Variants in FKTN observed in about 807,000 individuals in gnomAD.
FKTN encodes fukutin, also known as ribitol-5-phosphate transferase FKTN.
A neutral mutation model predicts 58.6 loss-of-function variants in FKTN; 47 were observed. That is an observed-to-expected ratio of 0.80 (90% confidence interval 0.63 to 1.02). FKTN has a LOEUF of 1.02. FKTN is among the 50% of genes least tolerant of loss of function. The probability of loss-of-function intolerance (pLI) is 0.00; values close to 1 mark genes in which losing one functional copy is unlikely to be tolerated. For synonymous variants in FKTN, 178 were observed against 191.9 expected (o/e 0.93, Z 0.60); for missense variants, 516 against 537.3 (o/e 0.96, Z 0.39).
Position 105,635,590 on chromosome 9 carries a change from T to G in FKTN, c.*326T>G. ...TTGAAGAGTTCAAGTTCTGTACAGGTTTTTAAAACGTGAAGTAATGTTTGA... is the reference window on the plus strand; with the variant it reads ...TTGAAGAGTTCAAGTTCTGTACAGGGTTTTAAAACGTGAAGTAATGTTTGA... On this transcript the variant is annotated 3_prime_UTR_variant, in exon 11 of 11. Transcript: ENST00000357998. 1 of 1,197,640 alleles carries G rather than the reference T, an allele frequency of 8.3e-7. No homozygotes were observed. Among genetic ancestry groups the G allele is most frequent in the East Asian group, 5.2e-5 (1 of 19,166 alleles). The allele number at this position is 1,197,640 out of a possible 1,614,324, so 74.2% of individuals were successfully genotyped here. A position where few individuals can be genotyped will look rare whatever the true frequency, so the allele number is the denominator to read the frequency against.
intron 5 of FKTN, among the ~76,000 whole-genome samples, chr9:105,601,680 T>G (rs1430809015): frequency 6.6e-6 from 1 of 152,152 alleles, no homozygotes; most frequent in Non-Finnish European, 1.5e-5. Flanking sequence ...ACATCCATGT[T>G]CACAACAGGA....
chr9:105,595,689 G>A (rs1321857088), intron 3 of FKTN, among the ~76,000 whole-genome samples: 1 of 152,106 alleles, frequency 6.6e-6, no homozygotes, highest in African/African-American at 2.4e-5. Context: ...CACTATCCTA[G>A]GTGCTACTGG....
intron 6 of FKTN, among the ~76,000 whole-genome samples, chr9:105,606,262 G>A (rs1392105575): frequency 6.6e-6 from 1 of 151,860 alleles, no homozygotes; most frequent in African/African-American, 2.4e-5. Flanking sequence ...TCATTATTTT[G>A]TGCCTTTATG....
At chr9:105,564,335 C>T (rs36101244) in intron 1 of FKTN, among the ~76,000 whole-genome samples, 6,214 of 152,164 alleles carry the variant, frequency 0.041, 190 homozygotes, top group Middle Eastern at 0.068. Flanking sequence ...AGGCTTCAGA[C>T]GATCAAACTT....
chr9:105,639,094 G>T lies in FKTN; in HGVS notation c.*3830G>T. On this transcript the variant is annotated 3_prime_UTR_variant, in exon 11 of 11. Coordinates refer to ENST00000357998, the MANE Select transcript of FKTN (RefSeq NM_001079802.2). ...TCCTAAATGTTATAAATCCTTAGGA[G>T]AAATATTCCCTCAAAACCTAGTCAA... 1 of 984,726 alleles carries T rather than the reference G, an allele frequency of 1.0e-6. No individual in the cohort carries two copies. Among genetic ancestry groups the T allele is most frequent in the Non-Finnish European group, 1.2e-6 (1 of 829,338 alleles). The allele number at this position is 984,726 out of a possible 1,614,324, so 61.0% of individuals were successfully genotyped here. A position where few individuals can be genotyped will look rare whatever the true frequency, so the allele number is the denominator to read the frequency against.
chr9:105,591,402 C>T (rs904921638), intron 3 of FKTN, among the ~76,000 whole-genome samples: 1 of 152,186 alleles, frequency 6.6e-6, no homozygotes, highest in African/African-American at 2.4e-5. Flanking sequence ...TACTCCTGTT[C>T]CAAAAGGGAG....
At chr9:105,561,091 CA>C (rs533709834) in intron 1 of FKTN, among the ~76,000 whole-genome samples, 2,446 of 136,574 alleles carry the variant, frequency 0.018, 90 homozygotes, top group African/African-American at 0.06. Flanking sequence ...TCTCAAAAAA[CA>C]AAAAAAAAAA....
At chr9:105,633,022 T>G (rs370975956) in intron 10 of FKTN, among the ~76,000 whole-genome samples, 1 of 152,206 alleles carries the variant, frequency 6.6e-6, no homozygotes, top group Admixed American at 6.5e-5. Context: ...TCTCCTTCAC[T>G]TCCTCCCTAC....
Position 105,601,391 on chromosome 9 carries a change from C to T in FKTN, c.369+43C>T, listed in dbSNP as rs398123556. On this transcript the variant is annotated intron_variant, in intron 5 of 10. Transcript: ENST00000357998. ...AGATAATGGAATGTGTCTCTTTTTA[C>T]AAAATAGTATAGGTTTAGGCTAGTT... 61 of 1,338,324 alleles carry T rather than the reference C, an allele frequency of 4.6e-5. No individual in the cohort carries two copies. The Admixed American group carries it at 9.7e-4, about 21-fold the overall frequency. 82.9% of individuals were successfully genotyped at this position (1,338,324 alleles called of 1,614,324 possible). A position where few individuals can be genotyped will look rare whatever the true frequency, so the allele number is the denominator to read the frequency against.
intron 10 of FKTN, 107 bp downstream of exon 10, chr9:105,620,168 C>T (rs912854081): frequency 2.2e-6 from 2 of 892,700 alleles, no homozygotes; most frequent in African/African-American, 3.3e-5. Flanking sequence ...TTTCAAGACT[C>T]CATTATTAGC....
chr9:105,630,042 G>A (rs1833213967), intron 10 of FKTN, among the ~76,000 whole-genome samples: 1 of 152,166 alleles, frequency 6.6e-6, no homozygotes, highest in East Asian at 1.9e-4. Flanking sequence ...CACACACTGG[G>A]GCCTGTCGTG....
chr9:105,574,513 A>G (rs1015898209), intron 2 of FKTN, among the ~76,000 whole-genome samples: 1 of 151,896 alleles, frequency 6.6e-6, no homozygotes, highest in African/African-American at 2.4e-5. Context: ...TTGAAAAGCA[A>G]CAAAGAGCTG....
chr9:105,569,599 G>A (rs115242509), intron 1 of FKTN, among the ~76,000 whole-genome samples: 1 of 152,092 alleles, frequency 6.6e-6, no homozygotes, highest in Admixed American at 6.6e-5. Flanking sequence ...TGATTTAGTT[G>A]GTAAGCAGAT....
chr9:105,607,917 A>G lies in FKTN; in HGVS notation c.746A>G (p.Glu249Gly), dbSNP rs1487419402. 6.2e-7 allele frequency: 1 copy of G among 1,611,952 alleles called. No homozygotes were observed. Among genetic ancestry groups the G allele is most frequent in the African/African-American group, 1.3e-5 (1 of 75,006 alleles). ...VEEVPHSRFI[E>G]CRYKEARAFF... The stretch of plus-strand genomic sequence containing the variant: ...GAAGTACCACACTCTAGGTTTATTG[A>G]GTGTAGGTATAAAGAAGCTCGAGCA... The change falls in exon 7 of 11, where the codon GAG becomes GGG. Residue 249 changes from glutamate (E) to glycine (G), a missense_variant. By Grantham distance (98) the Glu-to-Gly change is moderately conservative. Transcript: ENST00000357998.
At chr9:105,594,883 C>T (rs1156771936) in intron 3 of FKTN, among the ~76,000 whole-genome samples, 2 of 152,070 alleles carry the variant, frequency 1.3e-5, no homozygotes, top group Non-Finnish European at 2.9e-5. Context: ...TCAGTGTATA[C>T]AAGAGAATGA....
rs1019090178 is a variant in FKTN, at chr9:105,640,214, G to A, written c.*4950G>A. 9 of 1,481,328 alleles carry A rather than the reference G, an allele frequency of 6.1e-6. No individual in the cohort carries two copies. In the African/African-American group the frequency reaches 1.3e-4, roughly 21 times the overall value. The allele number at this position is 1,481,328 out of a possible 1,614,324, so 91.8% of individuals were successfully genotyped here. On this transcript the variant is annotated 3_prime_UTR_variant, in exon 11 of 11. Transcript: ENST00000357998. Reference sequence around the variant, plus strand: ...ATTCAATGGCAATACCTTTTGTATAGGTCCTGTGCTTAAAGGAGGCAAGTA... The same window carrying A: ...ATTCAATGGCAATACCTTTTGTATAAGTCCTGTGCTTAAAGGAGGCAAGTA...
At chr9:105,583,471 G>A (rs1039357457) in intron 3 of FKTN, among the ~76,000 whole-genome samples, 1 of 152,060 alleles carries the variant, frequency 6.6e-6, no homozygotes, top group Non-Finnish European at 1.5e-5. Flanking sequence ...GATTACTAGT[G>A]GGGTTAAACA....
intron 3 of FKTN, among the ~76,000 whole-genome samples, chr9:105,581,100 C>A (rs1347304213): frequency 6.7e-6 from 1 of 149,610 alleles, no homozygotes; most frequent in Non-Finnish European, 1.5e-5. Context: ...AACTTCTTTG[C>A]CTTTGGTTTG....
At chr9:105,632,724 A>ATATGAAATAAAAGTGG (rs1833641742) in intron 10 of FKTN, among the ~76,000 whole-genome samples, 1 of 152,192 alleles carries the variant, frequency 6.6e-6, no homozygotes, top group South Asian at 2.1e-4. Context: ...TGTAAAAATA[A>ATATGAAATAAAAGTGG]TATGAAATAA....
Sources: allele counts gnomAD v4.1 joint callset (sites outside exome capture counted in the v4.1 genomes callset), GRCh38; gene constraint gnomAD v4.1.1; transcripts MANE v1.5; gene names NCBI Gene and HGNC (gene_info 2026-07-23, HGNC 2026-07-21).